Variants in TENM3 observed in about 807,000 individuals in gnomAD.
TENM3 encodes teneurin-3.
In TENM3, 63 loss-of-function variants were observed where a neutral mutation model predicts 255.1. The ratio of observed to expected loss-of-function variants is 0.25; its 90% CI spans 0.20 to 0.30. The LOEUF is 0.30. TENM3 is among the 10% of genes least tolerant of loss of function. The pLI is 1.00. For synonymous variants in TENM3, 1,306 were observed against 1,322.3 expected (o/e 0.99, Z 0.27); for missense variants, 2,929 against 3,461.1 (o/e 0.85, Z 3.86).
chr4:182,522,576 T>TA (rs1738693951), intron 3 of TENM3, among the ~76,000 whole-genome samples: 1 of 152,234 alleles, frequency 6.6e-6, no homozygotes, highest in African/African-American at 2.4e-5. Context: ...CTTTCTTTTT[T>TA]AAAAAATTTA....
At position 182,793,051 on chromosome 4, in the gene TENM3, A is replaced by G. The variant is rs2152831034; in HGVS notation, c.6379A>G (p.Lys2127Glu). The G allele has an allele frequency of 1.2e-6, 2 of 1,613,970 alleles. No homozygotes were observed. Among genetic ancestry groups the G allele is most frequent in the Admixed American group, 1.7e-5 (1 of 60,026 alleles). The stretch of plus-strand genomic sequence containing the variant: ...AATAGGGCCCTTTGCCAACACCACC[A>G]AATATGCTTATGAATATGATGTTGA... ...IKIGPFANTT[K>E]YAYEYDVDGQ... Residue 2127 changes from lysine to glutamate, a missense_variant, in exon 26 of 28, where the codon AAA (lysine) becomes GAA (glutamate). Coordinates refer to ENST00000511685, the MANE Select transcript of TENM3 (RefSeq NM_001080477.4). This position sits in a 1 kb window ranked among gnomAD's most constrained non-coding sequence, Gnocchi z 5.7.
At chr4:181,615,933 A>T in the TENM3 span, among the ~76,000 whole-genome samples, 2 of 152,150 alleles carry the variant, frequency 1.3e-5, no homozygotes, top group East Asian at 3.9e-4. Flanking sequence ...AGACAGAAAA[A>T]TTTTAAGTAC....
intron 1 of TENM3, among the ~76,000 whole-genome samples, chr4:182,225,997 C>A (rs1031799253): frequency 3.9e-5 from 6 of 152,128 alleles, no homozygotes; most frequent in Non-Finnish European, 7.4e-5. Flanking sequence ...AAATACAGAC[C>A]AAGGGCAATT....
chr4:182,659,229 A>G (rs991756312), intron 6 of TENM3, among the ~76,000 whole-genome samples: 1 of 151,998 alleles, frequency 6.6e-6, no homozygotes, highest in Non-Finnish European at 1.5e-5. Flanking sequence ...TCTGTACAGT[A>G]CCTTCCCACA....
At position 182,789,180 on chromosome 4, in the gene TENM3, A is replaced by G; in HGVS notation, c.5392A>G (p.Arg1798Gly). The G allele has an allele frequency of 6.2e-7, 1 of 1,613,104 alleles. No individual in the cohort carries two copies. The highest frequency in any genetic ancestry group is 8.5e-7 in the Non-Finnish European group (1 of 1,179,520). ...IYDDHRKFLL[R>G]IAYDTSGHPT... is the part of the protein sequence containing the mutation. ...TGACGACCACCGTAAATTTCTACTGAGGATCGCCTACGACACGTCTGGGCA... is the reference window on the plus strand; with the variant it reads ...TGACGACCACCGTAAATTTCTACTGGGGATCGCCTACGACACGTCTGGGCA... Residue 1798 changes from arginine to glycine, a missense_variant, in exon 25 of 28, where the codon AGG becomes GGG. Transcript: ENST00000511685. The surrounding 1 kb of genome is among the most constrained non-coding windows in gnomAD (Gnocchi z 4.4).
chr4:181,706,175 G>A, the TENM3 span, among the ~76,000 whole-genome samples: 17 of 152,062 alleles, frequency 1.1e-4, no homozygotes, highest in African/African-American at 2.9e-4. Flanking sequence ...GTGTCTGCAC[G>A]TTGTCTTCCC....
chr4:182,217,712 A>C (rs1281833784), intron 1 of TENM3, among the ~76,000 whole-genome samples: 1 of 152,212 alleles, frequency 6.6e-6, no homozygotes, highest in Non-Finnish European at 1.5e-5. Context: ...GAATCTAGGC[A>C]GTTTGTTCCA....
chr4:182,038,610 T>G, the TENM3 span, among the ~76,000 whole-genome samples: 1 of 152,322 alleles, frequency 6.6e-6, no homozygotes, highest in Middle Eastern at 3.4e-3. Flanking sequence ...ACATCCCTGC[T>G]GTAGTAGGGC....
At chr4:182,213,345 G>A (rs1246312802) in intron 1 of TENM3, among the ~76,000 whole-genome samples, 1 of 152,142 alleles carries the variant, frequency 6.6e-6, no homozygotes, top group African/African-American at 2.4e-5. Flanking sequence ...GAATTACCAT[G>A]CCACCCACTA....
At chr4:181,828,083 C>G in the TENM3 span, among the ~76,000 whole-genome samples, 87,744 of 151,950 alleles carry the variant, frequency 0.58, 25,879 homozygotes, top group East Asian at 0.74. Context: ...CCTTTTTGAG[C>G]GAGGAGAAAA....
At chr4:182,067,567 G>A in the TENM3 span, among the ~76,000 whole-genome samples, 2 of 152,244 alleles carry the variant, frequency 1.3e-5, no homozygotes, top group East Asian at 1.9e-4. Context: ...TCTTCCTGTC[G>A]ATTTTAAATC....
intron 4 of TENM3, among the ~76,000 whole-genome samples, chr4:182,615,231 T>C (rs908520903): frequency 6.6e-6 from 1 of 151,812 alleles, no homozygotes; most frequent in African/African-American, 2.4e-5. Context: ...AGTAGCTCTT[T>C]TTTTAATAGA....
intron 13 of TENM3, among the ~76,000 whole-genome samples, chr4:182,727,388 G>A (rs1372301598): frequency 1.4e-5 from 2 of 146,458 alleles, no homozygotes; most frequent in East Asian, 2.0e-4. Flanking sequence ...CCAGTTAGGC[G>A]GAGGTTGCAG....
intron 3 of TENM3, among the ~76,000 whole-genome samples, chr4:182,387,814 C>T (rs947990633): frequency 3.3e-5 from 5 of 152,010 alleles, no homozygotes; most frequent in Admixed American, 2.0e-4. Context: ...ACTCCAGACG[C>T]GCCACCTTAA....
At chr4:182,729,505 G>C (rs1216988495) in intron 14 of TENM3, among the ~76,000 whole-genome samples, 6 of 151,834 alleles carry the variant, frequency 4.0e-5, no homozygotes, top group Admixed American at 3.3e-4. Flanking sequence ...CAGAACAGAA[G>C]TGCACTTTTT....
At chr4:182,499,539 T>C (rs1351811283) in intron 3 of TENM3, among the ~76,000 whole-genome samples, 9 of 152,130 alleles carry the variant, frequency 5.9e-5, no homozygotes, top group Admixed American at 5.9e-4. Context: ...AAAGAAGAAA[T>C]ACTGAGAAAG....
the TENM3 span, among the ~76,000 whole-genome samples, chr4:181,853,201 C>G: frequency 2.0e-5 from 3 of 152,178 alleles, no homozygotes; most frequent in Non-Finnish European, 2.9e-5. Context: ...CTGTGGCTCT[C>G]CTGGACATGA....
chr4:181,946,024 C>G, the TENM3 span, among the ~76,000 whole-genome samples: 1 of 151,984 alleles, frequency 6.6e-6, no homozygotes, highest in African/African-American at 2.4e-5. Context: ...TCCTATTTAT[C>G]ATAAAGATAA....
intron 19 of TENM3, 88 bp downstream of exon 19, chr4:182,743,507 T>C: frequency 7.0e-7 from 1 of 1,430,814 alleles, no homozygotes; most frequent in South Asian, 1.3e-5. Flanking sequence ...GATTTATTCA[T>C]AGAAAAATAC....
Sources: allele counts gnomAD v4.1 joint callset (sites outside exome capture counted in the v4.1 genomes callset), GRCh38; gene constraint gnomAD v4.1.1; non-coding constraint Gnocchi (gnomAD v3.1); transcripts MANE v1.5; gene names NCBI Gene and HGNC (gene_info 2026-07-23, HGNC 2026-07-21).